The following PNPLA7 variants were observed in gnomAD, a reference collection of about 807,000 sequenced individuals.
PNPLA7 encodes patatin like domain 7, lysophospholipase.
Under a neutral mutation model 161.7 loss-of-function variants are expected in PNPLA7, and 153 were observed. That is an observed-to-expected ratio of 0.95 (90% CI 0.83 to 1.08). The LOEUF is 1.08. PNPLA7 is among the 50% of genes least tolerant of loss of function. The pLI is 0.00. For missense variants in PNPLA7, 1,739 were observed against 1,856.6 expected (o/e 0.94, Z 1.16); for synonymous variants, 809 against 782.1 (o/e 1.03, Z -0.57).
intron 12 of PNPLA7, among the ~76,000 whole-genome samples, 182 bp from the exon 13 acceptor site, chr9:137,506,265 G>A (rs1588633156): frequency 6.6e-6 from 1 of 152,168 alleles, no homozygotes; most frequent in Middle Eastern, 3.2e-3. Context: ...ATGGCTCTGT[G>A]ACCCACCAGC....
At chr9:137,483,608 C>G (rs749771042) in intron 21 of PNPLA7, among the ~76,000 whole-genome samples, 3 of 152,088 alleles carry the variant, frequency 2.0e-5, no homozygotes, top group Non-Finnish European at 4.4e-5. Flanking sequence ...GCATTTCCAC[C>G]ACCACGCCCA....
chr9:137,516,567 G>C, intron 11 of PNPLA7: 16 of 977,846 alleles, frequency 1.6e-5, no homozygotes, highest in Non-Finnish European at 1.9e-5. Context: ...CAAACAATTT[G>C]GGAGGCCAAG....
chr9:137,481,499 C>T (rs1832217926), intron 21 of PNPLA7, among the ~76,000 whole-genome samples: 1 of 152,168 alleles, frequency 6.6e-6, no homozygotes, highest in South Asian at 2.1e-4. Context: ...GCTGTCAGGG[C>T]CCTTCTCAAC....
intron 8 of PNPLA7, among the ~76,000 whole-genome samples, chr9:137,530,196 A>AC (rs1324162887): frequency 6.9e-6 from 1 of 144,878 alleles, no homozygotes; most frequent in African/African-American, 2.6e-5. Context: ...TGATCTCTTG[A>AC]CCTTGTGATC....
At chr9:137,515,701 G>A (rs191878497) in intron 11 of PNPLA7, among the ~76,000 whole-genome samples, 182 bp from the exon 12 acceptor site, 52 of 151,374 alleles carry the variant, frequency 3.4e-4, no homozygotes, top group African/African-American at 1.2e-3. Context: ...GAGTGCAAGC[G>A]AGTGCCGGCC....
rs556142700 is a variant in PNPLA7 at position 137,487,508 on chromosome 9, G to C, written c.2198-2772C>G. On this transcript the variant is annotated intron_variant, in intron 20 of 34. Transcript: ENST00000406427. Reference sequence around the variant, plus strand: ...GTGCAGCTGTGTCTGTGCAGGAAAAGAACCGGGGCACTGGCGCCTCAGCAC... The same window carrying C: ...GTGCAGCTGTGTCTGTGCAGGAAAACAACCGGGGCACTGGCGCCTCAGCAC... Among the ~76,000 whole-genome samples the C allele has an allele frequency of 1.1e-3, 170 of 152,374 alleles. 2 individuals carry two copies. Among genetic ancestry groups the C allele is most frequent in the African/African-American group, 3.4e-3 (142 of 41,596 alleles).
chr9:137,533,926 C>T (rs563534091), intron 8 of PNPLA7, among the ~76,000 whole-genome samples: 2 of 150,966 alleles, frequency 1.3e-5, no homozygotes, highest in East Asian at 4.0e-4. Flanking sequence ...TCCCAGAATC[C>T]TCCCCAACAG....
intron 11 of PNPLA7, 144 bp from the exon 12 acceptor site, chr9:137,515,663 G>A (rs868363187): frequency 2.5e-5 from 27 of 1,079,102 alleles, no homozygotes; most frequent in Middle Eastern, 6.3e-4. Context: ...CCGGCCACCA[G>A]GCCTCTGCAT....
At chr9:137,549,535 A>C (rs959463361) in intron 1 of PNPLA7, among the ~76,000 whole-genome samples, 1 of 150,946 alleles carries the variant, frequency 6.6e-6, no homozygotes, top group Non-Finnish European at 1.5e-5. Context: ...GTGCCACTGC[A>C]ATCCAGCTTG....
chr9:137,461,989 C>T lies in PNPLA7; in HGVS notation c.3698G>A (p.Gly1233Asp), dbSNP rs767065558. 1.2e-6 allele frequency: 2 copies of T among 1,602,416 alleles called. No homozygotes were observed. Among genetic ancestry groups the T allele is most frequent in the Non-Finnish European group, 1.7e-6 (2 of 1,176,976 alleles). The change falls in exon 32 of 35, where the codon GGC becomes GAC. Residue 1233 changes from glycine (G) to aspartate (D), a missense_variant. Physicochemically the swap from Gly to Asp is moderately conservative, Grantham distance 94 (BLOSUM62 -1). Coordinates refer to ENST00000406427, the MANE Select transcript of PNPLA7 (RefSeq NM_001098537.3). ...GTCGCGGAGCATCTTCTCCAGCACGCCGCTGCGGCCCCAGATGTCAAACAC... is the reference window on the plus strand; with the variant it reads ...GTCGCGGAGCATCTTCTCCAGCACGTCGCTGCGGCCCCAGATGTCAAACAC... Reference protein sequence around the residue: ...RTVFDIWGRSGVLEKMLRDQQ... With the variant: ...RTVFDIWGRSDVLEKMLRDQQ...
At chr9:137,461,248 G>A in intron 33 of PNPLA7, 1 of 418,098 alleles carries the variant, frequency 2.4e-6, no homozygotes, top group Non-Finnish European at 4.4e-6. Flanking sequence ...CCCACTGGGT[G>A]GGGTGGGAGG....
intron 8 of PNPLA7, among the ~76,000 whole-genome samples, chr9:137,532,782 G>A (rs1835645977): frequency 1.3e-5 from 2 of 152,178 alleles, no homozygotes; most frequent in Non-Finnish European, 2.9e-5. Flanking sequence ...GGCTGGAAAT[G>A]GCTTTTCCCC....
rs776716258 is a variant in PNPLA7, at chr9:137,542,728, C to T, written c.580G>A (p.Gly194Arg). 6 of 1,613,640 alleles carry T rather than the reference C, an allele frequency of 3.7e-6. No homozygotes were observed. Among genetic ancestry groups the T allele is most frequent in the Admixed American group, 1.7e-5 (1 of 60,002 alleles). Residue 194 changes from glycine (G) to arginine (R), a missense_variant, in exon 7 of 35, where the codon GGG (glycine) becomes AGG (arginine). Physicochemically the swap from Gly to Arg is moderately radical, Grantham distance 125. Coordinates refer to ENST00000406427, the MANE Select transcript of PNPLA7 (RefSeq NM_001098537.3). ...KHIVFVQLQE[G>R]EHVFQPREPD... The stretch of plus-strand genomic sequence containing the variant: ...TCCCTGGGCTGGAAGACGTGCTCCC[C>T]TTCCTGCAGCTGCACAAAGACGATG...
At chr9:137,470,610 G>A (rs1831663059) in intron 25 of PNPLA7, among the ~76,000 whole-genome samples, 1 of 152,112 alleles carries the variant, frequency 6.6e-6, no homozygotes. Flanking sequence ...AAAAGAAGAT[G>A]AACTTCCCAC....
rs776467882 is a variant in PNPLA7, at chr9:137,547,627, A to C, written c.63T>G (p.Ser21=). The part of the protein sequence containing the change: ...ADFCLGTALH[S]WGLWFTEEGS... ...CTTCCTCCGTGAACCACAGTCCCCA[A>C]GAGTGCAGGGCGGTGCCCAGGCAGA... Residue 21 remains serine, a synonymous_variant, in exon 2 of 35, where the codon TCT becomes TCG. Coordinates refer to ENST00000406427, the MANE Select transcript of PNPLA7 (RefSeq NM_001098537.3). The surrounding 1 kb of genome is among the most constrained non-coding windows in gnomAD (Gnocchi z 4.6). 6.2e-7 allele frequency: 1 copy of C among 1,613,188 alleles called. No homozygotes were observed. The highest frequency in any genetic ancestry group is 8.5e-7 in the Non-Finnish European group (1 of 1,179,872).
At position 137,550,389 on chromosome 9, in the gene PNPLA7, A is replaced by G. The variant is rs955252099; in HGVS notation, c.-192T>C. The G allele has an allele frequency of 3.3e-5, 22 of 664,406 alleles. No homozygotes were observed. The South Asian group carries it at 3.8e-4, about 11-fold the overall frequency. 41.2% of individuals were successfully genotyped at this position (664,406 alleles called of 1,614,324 possible). On this transcript the variant is annotated 5_prime_UTR_variant, in exon 1 of 35. Coordinates refer to ENST00000406427, the MANE Select transcript of PNPLA7 (RefSeq NM_001098537.3). Reference sequence around the variant, plus strand: ...CAGGAAGAAAAGCTGTCTTTTGAGAAGTGTCTGTCATCTGCTAGGAGCCAC... The same window carrying G: ...CAGGAAGAAAAGCTGTCTTTTGAGAGGTGTCTGTCATCTGCTAGGAGCCAC...
Position 137,464,668 on chromosome 9 carries a change from G to GC in PNPLA7, c.3040-213dup, listed in dbSNP as rs138063140. The GC allele has an allele frequency of 4.7e-3, 2,718 of 582,778 alleles. 48 individuals carry two copies. The highest frequency in any genetic ancestry group is 0.039 in the African/African-American group (2,073 of 53,570). 36.1% of individuals were successfully genotyped at this position (582,778 alleles called of 1,614,324 possible). On this transcript the variant is annotated intron_variant, in intron 26 of 34. Transcript: ENST00000406427. The stretch of plus-strand genomic sequence containing the variant: ...CCCAGGGCCTGAAAGCCAGGACACA[G>GC]CCCACCCTCGGTCCCTTCCTGATCC...
chr9:137,511,065 GCTCT>G (rs1231028285), intron 12 of PNPLA7, among the ~76,000 whole-genome samples: 1 of 152,374 alleles, frequency 6.6e-6, no homozygotes, highest in Admixed American at 6.5e-5. Flanking sequence ...AAGAGTGTGA[GCTCT>G]CTGTCACGCC....
At chr9:137,491,778 C>CA (rs1317206683) in intron 20 of PNPLA7, 1 of 985,356 alleles carries the variant, frequency 1.0e-6, no homozygotes, top group Admixed American at 6.1e-5. Context: ...TGTGTGAACA[C>CA]AGACGCAGGC....
Sources: allele counts gnomAD v4.1 joint callset (sites outside exome capture counted in the v4.1 genomes callset), GRCh38; gene constraint gnomAD v4.1.1; non-coding constraint Gnocchi (gnomAD v3.1); transcripts MANE v1.5; gene names NCBI Gene and HGNC (gene_info 2026-07-23, HGNC 2026-07-21).